The following ATP8A1 variants were observed in gnomAD, a reference collection of about 807,000 sequenced individuals.
ATP8A1 encodes phospholipid-transporting ATPase IA.
Under a neutral mutation model 177.7 loss-of-function variants are expected in ATP8A1, and 90 were observed. The ratio of observed to expected loss-of-function variants is 0.51; its 90% CI spans 0.43 to 0.60. The LOEUF is 0.60. Among genes scored for constraint, ATP8A1 ranks in the 20% least tolerant of loss-of-function variants. ATP8A1 has a pLI of 0.00. For missense variants in ATP8A1, 1,072 were observed against 1,392.8 expected, an observed-to-expected ratio of 0.77 and a Z score of 3.67; for synonymous variants, 493 against 485.9, an observed-to-expected ratio of 1.01 and a Z score of -0.19.
chr4:42,470,170 C>A (rs1198425865), intron 25 of ATP8A1, among the ~76,000 whole-genome samples: 2 of 152,216 alleles, frequency 1.3e-5, no homozygotes, highest in East Asian at 3.8e-4. Context: ...TTTCTCTTCC[C>A]TGTGGCTCCA....
At chr4:42,505,666 TAG>T (rs1314611614) in intron 23 of ATP8A1, among the ~76,000 whole-genome samples, 24 of 152,212 alleles carry the variant, frequency 1.6e-4, no homozygotes, top group African/African-American at 5.3e-4. Context: ...AAATTTGAAG[TAG>T]AGTTTTATAT....
In ATP8A1 at chr4:42,422,635, C is replaced by A. The variant is rs78731937; in HGVS notation, c.3305+172G>T. 3.1e-3 allele frequency among the ~76,000 whole-genome samples: 476 copies of A among 152,240 alleles called. 22 individuals carry two copies. In the East Asian group the frequency reaches 0.082, roughly 26 times the overall value. ...TAGGATTAAGCAACGTAGCCAAGGGCACAGTTTAGAAAGCGACAGATTTAA... is the reference window on the plus strand; with the variant it reads ...TAGGATTAAGCAACGTAGCCAAGGGAACAGTTTAGAAAGCGACAGATTTAA... On this transcript the variant is annotated intron_variant, in intron 35 of 36. Coordinates refer to ENST00000381668, the MANE Select transcript of ATP8A1 (RefSeq NM_006095.2).
intron 5 of ATP8A1, among the ~76,000 whole-genome samples, chr4:42,613,565 T>C (rs1293488564): frequency 3.5e-5 from 5 of 141,994 alleles, no homozygotes; most frequent in African/African-American, 2.5e-5. Context: ...TTTAAACTTG[T>C]ATTTTTTTTT....
At chr4:42,609,808 T>C (rs954437123) in intron 5 of ATP8A1, among the ~76,000 whole-genome samples, 1 of 152,198 alleles carries the variant, frequency 6.6e-6, no homozygotes, top group African/African-American at 2.4e-5. Context: ...CATACAGCTG[T>C]CAAATTCTTT....
chr4:42,486,169 T>C (rs572738077), intron 24 of ATP8A1, among the ~76,000 whole-genome samples: 3 of 152,294 alleles, frequency 2.0e-5, no homozygotes, highest in East Asian at 3.9e-4. Flanking sequence ...CCGGTTTCCA[T>C]TGGCTGGAAT....
At chr4:42,525,869 A>C (rs1726623042) in intron 20 of ATP8A1, among the ~76,000 whole-genome samples, 1 of 152,138 alleles carries the variant, frequency 6.6e-6, no homozygotes, top group African/African-American at 2.4e-5. Context: ...ACCTCAGAAC[A>C]GATGGAGTAT....
intron 24 of ATP8A1, among the ~76,000 whole-genome samples, chr4:42,494,440 AC>A (rs1723065076): frequency 6.6e-6 from 1 of 152,190 alleles, no homozygotes; most frequent in Non-Finnish European, 1.5e-5. Context: ...ACGCCACTGC[AC>A]TCCAGACTGG....
intron 33 of ATP8A1, among the ~76,000 whole-genome samples, chr4:42,435,666 C>T (rs1041700734): frequency 6.6e-6 from 1 of 152,190 alleles, no homozygotes; most frequent in African/African-American, 2.4e-5. Context: ...CCAGCTCTCT[C>T]TGCTGCAGTC....
At chr4:42,503,383 T>C (rs1344305944) in intron 24 of ATP8A1, 67 bp downstream of exon 24, 3 of 930,310 alleles carry the variant, frequency 3.2e-6, no homozygotes, top group African/African-American at 1.7e-5. Flanking sequence ...CATAGCTATC[T>C]GAATATAAAA....
At chr4:42,637,280 G>C in intron 1 of ATP8A1, 2 of 504,224 alleles carry the variant, frequency 4.0e-6, no homozygotes, top group South Asian at 2.9e-5. Context: ...CTCTTCTGAT[G>C]TTAACAGCTG....
intron 35 of ATP8A1, 39 bp from the exon 36 acceptor site, chr4:42,414,757 C>G (rs551867844): frequency 6.6e-7 from 1 of 1,513,510 alleles, no homozygotes; most frequent in South Asian, 1.1e-5. Flanking sequence ...GAATTATCAA[C>G]TCGGCAGAGA....
At chr4:42,541,176 A>G (rs1728350090) in intron 20 of ATP8A1, among the ~76,000 whole-genome samples, 2 of 152,168 alleles carry the variant, frequency 1.3e-5, no homozygotes. Flanking sequence ...TAAAAAAGTA[A>G]CTACAATAAA....
intron 24 of ATP8A1, among the ~76,000 whole-genome samples, chr4:42,495,346 C>T (rs1560388637): frequency 6.6e-6 from 1 of 152,206 alleles, no homozygotes; most frequent in Non-Finnish European, 1.5e-5. Flanking sequence ...TTGGGTATTA[C>T]TTGCTTTTCT....
intron 33 of ATP8A1, among the ~76,000 whole-genome samples, chr4:42,443,347 T>C (rs1013395266): frequency 6.6e-6 from 1 of 152,218 alleles, no homozygotes; most frequent in African/African-American, 2.4e-5. Context: ...GTTATGTTTA[T>C]GAAAAGGTAA....
At chr4:42,458,530 T>G (rs948023435) in intron 27 of ATP8A1, among the ~76,000 whole-genome samples, 1 of 152,170 alleles carries the variant, frequency 6.6e-6, no homozygotes, top group Admixed American at 6.5e-5. Context: ...AGCCAATAAT[T>G]TAAATGAACA....
chr4:42,420,539 A>C (rs1713783981), intron 35 of ATP8A1, among the ~76,000 whole-genome samples: 1 of 152,110 alleles, frequency 6.6e-6, no homozygotes, highest in African/African-American at 2.4e-5. Flanking sequence ...TTACGGAATC[A>C]CTGAATGTTT....
chr4:42,507,077 C>T lies in ATP8A1; in HGVS notation c.2025G>A (p.Met675Ile). ...DQVPETIETL[M>I]KADIKIWILT... ...GGATCCAGATTTTGATGTCTGCTTT[C>T]ATTAGCGTTTCTATGGTTTCAGGCA... Residue 675 changes from methionine to isoleucine, a missense_variant, in exon 23 of 37, where the codon ATG becomes ATA. This residue lies in a region of ATP8A1 where 388 missense variants were observed against 471.7 expected (regional missense o/e 0.82). Coordinates refer to ENST00000381668, the MANE Select transcript of ATP8A1 (RefSeq NM_006095.2). The T allele has an allele frequency of 6.2e-7, 1 of 1,614,046 alleles. No individual in the cohort carries two copies. The highest frequency in any genetic ancestry group is 8.5e-7 in the Non-Finnish European group (1 of 1,179,932).
At chr4:42,593,798 TAAAA>T (rs762100714) in intron 6 of ATP8A1, among the ~76,000 whole-genome samples, 6 of 151,882 alleles carry the variant, frequency 4.0e-5, no homozygotes, top group East Asian at 1.9e-4. Context: ...TGAAAGAACT[TAAAA>T]GAAAGAGCAA....
intron 1 of ATP8A1, among the ~76,000 whole-genome samples, chr4:42,652,069 A>C (rs1741149683): frequency 6.6e-6 from 1 of 152,214 alleles, no homozygotes; most frequent in South Asian, 2.1e-4. Context: ...CAAGATTCCC[A>C]AGTTTGAGGT....
Sources: allele counts gnomAD v4.1 joint callset (sites outside exome capture counted in the v4.1 genomes callset), GRCh38; gene constraint gnomAD v4.1.1; regional missense constraint gnomAD v4.1.1; transcripts MANE v1.5; gene names NCBI Gene and HGNC (gene_info 2026-07-23, HGNC 2026-07-21).